The following LRBA variants were observed in gnomAD, a reference collection of about 807,000 sequenced individuals.
LRBA encodes lipopolysaccharide-responsive and beige-like anchor protein.
In LRBA, 176 loss-of-function variants were observed where a neutral mutation model predicts 330.0. The ratio of observed to expected loss-of-function variants is 0.53; its 90% confidence interval spans 0.47 to 0.60. The LOEUF (loss-of-function observed/expected upper bound fraction) is 0.60. LRBA is among the 20% of genes least tolerant of loss of function. The pLI, the probability that LRBA is intolerant of heterozygous loss-of-function variation, is 0.00. For missense variants in LRBA, 3,259 were observed against 3,444.8 expected (o/e 0.95, Z 1.35); for synonymous variants, 1,230 against 1,193.0 (o/e 1.03, Z -0.64).
intron 28 of LRBA, chr4:150,841,017 T>C: frequency 7.9e-7 from 1 of 1,258,628 alleles, no homozygotes; most frequent in South Asian, 1.3e-5. Flanking sequence ...ACAAAATCTA[T>C]GATATTTTGC....
intron 47 of LRBA, among the ~76,000 whole-genome samples, chr4:150,370,647 AAT>A (rs1291878905): frequency 6.6e-6 from 1 of 152,222 alleles, no homozygotes; most frequent in South Asian, 2.1e-4. Context: ...AGTGAACCCT[AAT>A]ATAAACCAAA....
In LRBA at chr4:150,592,144, G is replaced by GTTTTTTTTTTTTTTTTTTTTTTTT. The variant is rs10685627; in HGVS notation, c.6047-1309_6047-1286dup. Reference sequence around the variant, plus strand: ...TTGATATGGAAATCGGATGGCTAGGGTTTTTTTTTTTTTTTTTTTTTTTTT... The same window carrying GTTTTTTTTTTTTTTTTTTTTTTTT: ...TTGATATGGAAATCGGATGGCTAGGGTTTTTTTTTTTTTTTTTTTTTTTTTTTTTTTTTTTTTTTTTTTTTTTTT... On this transcript the variant is annotated intron_variant, in intron 38 of 56. Transcript: ENST00000651943. Among the ~76,000 whole-genome samples the GTTTTTTTTTTTTTTTTTTTTTTTT allele has an allele frequency of 7.7e-5, 5 of 65,190 alleles. 1 individual carries two copies. The highest frequency in any genetic ancestry group is 1.3e-3 in the East Asian group (2 of 1,558). 42.8% of individuals were successfully genotyped at this position (65,190 alleles called of 152,430 possible). A position where few individuals can be genotyped will look rare whatever the true frequency, so the allele number is the denominator to read the frequency against.
At chr4:150,507,034 C>A (rs977670584) in intron 40 of LRBA, among the ~76,000 whole-genome samples, 1 of 151,464 alleles carries the variant, frequency 6.6e-6, no homozygotes, top group African/African-American at 2.4e-5. Context: ...TGTGAAGGAC[C>A]TCTTCAAGGA....
intron 9 of LRBA, among the ~76,000 whole-genome samples, chr4:150,911,997 CTCTTA>C (rs776271949): frequency 7.2e-5 from 11 of 152,040 alleles, no homozygotes; most frequent in South Asian, 2.1e-4. Flanking sequence ...TCATAGCATT[CTCTTA>C]TAATTCTTTC....
At chr4:150,501,832 T>C (rs976600803) in intron 40 of LRBA, among the ~76,000 whole-genome samples, 1 of 152,120 alleles carries the variant, frequency 6.6e-6, no homozygotes, top group African/African-American at 2.4e-5. Flanking sequence ...TGAAAAGTTG[T>C]TTTCAAAATA....
At chr4:150,560,884 G>T in intron 40 of LRBA, among the ~76,000 whole-genome samples, 1 of 152,066 alleles carries the variant, frequency 6.6e-6, no homozygotes, top group Non-Finnish European at 1.5e-5. Flanking sequence ...CACTCGGCAG[G>T]CTGAGGCAGG....
At chr4:150,538,127 A>T (rs1313029937) in intron 40 of LRBA, among the ~76,000 whole-genome samples, 1 of 152,234 alleles carries the variant, frequency 6.6e-6, no homozygotes, top group Non-Finnish European at 1.5e-5. Flanking sequence ...TTAAAAAGGC[A>T]AACAAATAAC....
At chr4:150,413,899 C>T (rs891655963) in intron 47 of LRBA, among the ~76,000 whole-genome samples, 3 of 152,134 alleles carry the variant, frequency 2.0e-5, no homozygotes, top group Non-Finnish European at 2.9e-5. Context: ...CCATAGACAC[C>T]TGCCGCATTT....
chr4:150,371,693 T>G (rs761664498), intron 47 of LRBA, among the ~76,000 whole-genome samples: 9 of 151,688 alleles, frequency 5.9e-5, no homozygotes, highest in African/African-American at 2.2e-4. Context: ...AGCAATATTA[T>G]ATAACTTATT....
At chr4:150,648,693 G>A (rs939716277) in intron 37 of LRBA, among the ~76,000 whole-genome samples, 2 of 151,984 alleles carry the variant, frequency 1.3e-5, no homozygotes, top group Non-Finnish European at 2.9e-5. Context: ...AAGCTTATTA[G>A]CATTTTAGAA....
intron 51 of LRBA, chr4:150,310,992 G>T (rs558337823): frequency 6.6e-6 from 1 of 152,296 alleles, no homozygotes; most frequent in African/African-American, 2.4e-5. Flanking sequence ...TCAAAGCACA[G>T]CAGACTGCCA....
At position 150,852,609 on chromosome 4, in the gene LRBA, A is replaced by G. The variant is rs371237041; in HGVS notation, c.3101T>C (p.Leu1034Ser). Reference protein sequence around the residue: ...ENQELPDEGTLEETLTNETRN... With the variant: ...ENQELPDEGTSEETLTNETRN... ...TGTCTCATTTGTCAGTGTTTCTTCC[A>G]AAGTGCCTTCATCTGGTAACTCCTG... The change falls in exon 23 of 57, where the codon TTG becomes TCG. Residue 1034 changes from leucine (L) to serine (S), a missense_variant. Leu to Ser is a moderately radical substitution (Grantham distance 145). Transcript: ENST00000651943. 4 of 1,613,914 alleles carry G rather than the reference A, an allele frequency of 2.5e-6. No individual in the cohort carries two copies. In the African/African-American group the frequency reaches 5.3e-5, roughly 22 times the overall value.
intron 39 of LRBA, among the ~76,000 whole-genome samples, chr4:150,588,688 G>A (rs886988172): frequency 2.6e-5 from 4 of 152,252 alleles, no homozygotes; most frequent in East Asian, 1.9e-4. Context: ...GAGATTTTAT[G>A]CCAGCTTGAC....
Position 150,454,810 on chromosome 4 carries a change from G to A in LRBA, c.6780+12863C>T, listed in dbSNP as rs970929970. 3.9e-5 allele frequency among the ~76,000 whole-genome samples: 6 copies of A among 151,930 alleles called. No individual in the cohort carries two copies. In the East Asian group the frequency reaches 7.7e-4, roughly 20 times the overall value. ...TTTGCATACCCATAGCTTAGTTCCCGCTTACAAGTAATAACATGTGGTATT... is the reference window on the plus strand; with the variant it reads ...TTTGCATACCCATAGCTTAGTTCCCACTTACAAGTAATAACATGTGGTATT... On this transcript the variant is annotated intron_variant, in intron 44 of 56. Transcript: ENST00000651943.
At chr4:150,922,252 A>C (rs1370686721) in intron 4 of LRBA, among the ~76,000 whole-genome samples, 2 of 152,160 alleles carry the variant, frequency 1.3e-5, no homozygotes, top group African/African-American at 2.4e-5. Context: ...AAATACTTAA[A>C]TAATGCTTAC....
chr4:150,379,303 C>CAAAAAAAAA (rs10634420), intron 47 of LRBA, among the ~76,000 whole-genome samples: 9 of 59,870 alleles, frequency 1.5e-4, no homozygotes, highest in Admixed American at 2.6e-4. Flanking sequence ...AACTCTAGCT[C>CAAAAAAAAA]AAAAAAAAAA....
chr4:150,346,825 T>C (rs1561046387), intron 48 of LRBA, among the ~76,000 whole-genome samples: 1 of 148,462 alleles, frequency 6.7e-6, no homozygotes, highest in Non-Finnish European at 1.5e-5. Context: ...AAAGTTAAAC[T>C]TGGAATTATC....
At chr4:150,869,196 G>A (rs566435604) in intron 20 of LRBA, among the ~76,000 whole-genome samples, 166 of 151,928 alleles carry the variant, frequency 1.1e-3, no homozygotes, top group Non-Finnish European at 1.7e-3. Flanking sequence ...TGGGATTACA[G>A]GCATGAGCCA....
intron 34 of LRBA, among the ~76,000 whole-genome samples, chr4:150,772,290 GTCT>G (rs1736690244): frequency 6.6e-6 from 1 of 152,152 alleles, no homozygotes; most frequent in Non-Finnish European, 1.5e-5. Flanking sequence ...CCAGGCCCAA[GTCT>G]TCTCCTCTGG....
Sources: allele counts gnomAD v4.1 joint callset (sites outside exome capture counted in the v4.1 genomes callset), GRCh38; gene constraint gnomAD v4.1.1; transcripts MANE v1.5; gene names NCBI Gene and HGNC (gene_info 2026-07-23, HGNC 2026-07-21).